Variants in UBR3 observed in about 807,000 individuals in gnomAD.
UBR3 encodes the protein E3 ubiquitin-protein ligase UBR3.
A neutral mutation model predicts 243.2 loss-of-function variants in UBR3; 85 were observed. The observed-to-expected ratio is 0.35, with a 90% CI of 0.29 to 0.42. The LOEUF (loss-of-function observed/expected upper bound fraction) is 0.42. Among genes scored for constraint, UBR3 ranks in the 10% least tolerant of loss-of-function variants. The probability of loss-of-function intolerance (pLI) is 1.00; values close to 1 mark genes in which losing one functional copy is unlikely to be tolerated. For missense variants in UBR3, 1,686 were observed against 2,300.8 expected, an observed-to-expected ratio of 0.73 and a Z score of 5.47; for synonymous variants, 748 against 799.8, an observed-to-expected ratio of 0.94 and a Z score of 1.09.
intron 5 of UBR3, among the ~76,000 whole-genome samples, chr2:169,879,393 A>G (rs1473705643): frequency 6.6e-6 from 1 of 152,118 alleles, no homozygotes; most frequent in Non-Finnish European, 1.5e-5. Flanking sequence ...TTAAAATTTA[A>G]ATTTTATAGT....
intron 1 of UBR3, among the ~76,000 whole-genome samples, chr2:169,842,635 C>T (rs1231550100): frequency 6.6e-6 from 1 of 151,984 alleles, no homozygotes; most frequent in African/African-American, 2.4e-5. Flanking sequence ...CAACTCCAGA[C>T]GCGCTGCCTT....
chr2:170,000,122 A>T, intron 26 of UBR3, among the ~76,000 whole-genome samples: 1 of 142,288 alleles, frequency 7.0e-6, no homozygotes. Flanking sequence ...GTGAAACTTA[A>T]TCTCAAAAAA....
At chr2:169,882,311 ATATT>A (rs955146245) in intron 5 of UBR3, among the ~76,000 whole-genome samples, 7 of 140,764 alleles carry the variant, frequency 5.0e-5, no homozygotes, top group African/African-American at 1.8e-4. Flanking sequence ...TGTATATTAT[ATATT>A]TATATATTAT....
At chr2:169,972,375 A>G (rs1280608095) in intron 24 of UBR3, among the ~76,000 whole-genome samples, 1 of 152,168 alleles carries the variant, frequency 6.6e-6, no homozygotes, top group African/African-American at 2.4e-5. Flanking sequence ...AACTATTCCA[A>G]TCAATAGAAA....
At chr2:170,034,095 G>A (rs1164388904) in intron 31 of UBR3, among the ~76,000 whole-genome samples, 1 of 150,828 alleles carries the variant, frequency 6.6e-6, no homozygotes, top group African/African-American at 2.4e-5. Flanking sequence ...ACTCCCCACT[G>A]TAACAGATAC....
chr2:169,905,160 A>G lies in UBR3; in HGVS notation c.1512A>G (p.Leu504=), dbSNP rs989622145. The change falls in exon 9 of 39, where the codon TTA becomes TTG. Residue 504 remains leucine (L), a synonymous_variant. Transcript: ENST00000272793. ...TGGTAGTGAACTGTGGAGAAGCATT[A>G]CTGAAGAATAACACTTACTGGCCTC... ...LHVVVNCGEA[L]LKNNTYWPLV... 1 of 1,543,468 alleles carries G rather than the reference A, an allele frequency of 6.5e-7. No individual in the cohort carries two copies. The highest frequency in any genetic ancestry group is 1.4e-5 in the African/African-American group (1 of 72,980).
At chr2:169,889,778 C>T (rs540004958) in intron 5 of UBR3, among the ~76,000 whole-genome samples, 2 of 152,272 alleles carry the variant, frequency 1.3e-5, no homozygotes, top group South Asian at 2.1e-4. Context: ...TGATGCTTGA[C>T]GGAAACCCAA....
intron 32 of UBR3, among the ~76,000 whole-genome samples, chr2:170,045,240 A>G (rs188342424): frequency 1.9e-3 from 295 of 152,250 alleles, no homozygotes; most frequent in African/African-American, 6.7e-3. Context: ...ATTAGATCTC[A>G]TGAGACTTAT....
chr2:170,037,474 T>A (rs12619640), intron 31 of UBR3, among the ~76,000 whole-genome samples: 126,243 of 151,948 alleles, frequency 0.83, 53,349 homozygotes, highest in South Asian at 0.92. Context: ...TGCAACCTCC[T>A]CCTCCTGGGT....
At chr2:169,985,846 C>T (rs949924840) in intron 24 of UBR3, among the ~76,000 whole-genome samples, 2 of 152,012 alleles carry the variant, frequency 1.3e-5, no homozygotes, top group African/African-American at 2.4e-5. Context: ...TCATTTCTGA[C>T]GTGTATTTTT....
intron 27 of UBR3, among the ~76,000 whole-genome samples, chr2:170,001,781 T>C (rs1277210467): frequency 6.6e-6 from 1 of 151,500 alleles, no homozygotes; most frequent in East Asian, 1.9e-4. Flanking sequence ...AGCATGGTGG[T>C]GTGCACCTGT....
In UBR3 at chr2:170,072,436, G is replaced by A. The variant is rs12620787; in HGVS notation, c.5020-992G>A. ...GGGGACTGTTGTGGGGTAGCGGGAG[G>A]GGGGAGGGATAGCATTAGGAGATAT... On this transcript the variant is annotated intron_variant, in intron 35 of 38. Coordinates refer to ENST00000272793, the MANE Select transcript of UBR3 (RefSeq NM_172070.4). 1.2e-4 allele frequency among the ~76,000 whole-genome samples: 18 copies of A among 150,508 alleles called. No individual in the cohort carries two copies. In the South Asian group the frequency reaches 3.2e-3, roughly 27 times the overall value.
At chr2:170,081,138 C>T (rs1317716060) in intron 38 of UBR3, among the ~76,000 whole-genome samples, 1 of 152,142 alleles carries the variant, frequency 6.6e-6, no homozygotes, top group African/African-American at 2.4e-5. Context: ...CTGCAGTGAG[C>T]TGTGATCGTG....
At chr2:169,871,581 C>A (rs1229360817) in intron 1 of UBR3, among the ~76,000 whole-genome samples, 1 of 151,576 alleles carries the variant, frequency 6.6e-6, no homozygotes, top group Non-Finnish European at 1.5e-5. Flanking sequence ...AACCTCGTTT[C>A]TACTAAAAAT....
rs2084994955 is a variant in UBR3, at chr2:169,905,937, A to C, written c.1646-94A>C. ...TGTGTCAGTAATGCTATTTGTGTGC[A>C]TAAATGTGTTTGGGACTGGGAAATG... On this transcript the variant is annotated intron_variant, in intron 9 of 38. Transcript: ENST00000272793. 1.2e-5 allele frequency: 17 copies of C among 1,365,996 alleles called. 1 individual carries two copies. The South Asian group carries it at 2.4e-4, about 19-fold the overall frequency. 84.6% of individuals were successfully genotyped at this position (1,365,996 alleles called of 1,614,324 possible). A position where few individuals can be genotyped will look rare whatever the true frequency, so the allele number is the denominator to read the frequency against.
At chr2:170,003,975 G>T (rs765389015) in intron 27 of UBR3, among the ~76,000 whole-genome samples, 2 of 152,154 alleles carry the variant, frequency 1.3e-5, no homozygotes, top group African/African-American at 2.4e-5. Flanking sequence ...ATGAAGTAAG[G>T]TGCTTGAGTG....
chr2:169,930,894 T>G (rs2105349333), intron 18 of UBR3, among the ~76,000 whole-genome samples: 1 of 152,268 alleles, frequency 6.6e-6, no homozygotes, highest in South Asian at 2.1e-4. Context: ...TACTTGCTCC[T>G]AAAGTGGCCC....
At chr2:169,929,468 C>G (rs986869751) in intron 18 of UBR3, among the ~76,000 whole-genome samples, 1 of 151,846 alleles carries the variant, frequency 6.6e-6, no homozygotes, top group African/African-American at 2.4e-5. Context: ...CCCAGCTACT[C>G]GGGAGGCTGA....
chr2:169,954,196 TTGTCTTGTC>T (rs2087162652), intron 23 of UBR3, among the ~76,000 whole-genome samples: 1 of 151,170 alleles, frequency 6.6e-6, no homozygotes, highest in Non-Finnish European at 1.5e-5. Context: ...TTGTCTTGTC[TTGTCTTGTC>T]TTGTCTTGTC....
Sources: gnomAD v4.1 joint callset for allele counts (sites outside exome capture counted in the v4.1 genomes callset) on GRCh38, gnomAD v4.1.1 for gene constraint, MANE v1.5 for transcripts, NCBI Gene and HGNC (gene_info 2026-07-23, HGNC 2026-07-21) for gene names.